The following SCAI variants were observed in gnomAD, a reference collection of about 807,000 sequenced individuals.
SCAI encodes the protein suppressor of cancer cell invasion.
A neutral mutation model predicts 92.2 loss-of-function variants in SCAI; 24 were observed. The observed-to-expected ratio is 0.26, with a 90% CI of 0.19 to 0.37. SCAI has a LOEUF of 0.37. SCAI is among the 10% of genes least tolerant of loss of function. SCAI has a pLI of 1.00. For synonymous variants in SCAI, 261 were observed against 258.6 expected (o/e 1.01, Z -0.09); for missense variants, 450 against 736.2 (o/e 0.61, Z 4.50).
intron 2 of SCAI, among the ~76,000 whole-genome samples, chr9:125,141,122 C>G (rs972300): frequency 0.44 from 67,260 of 151,846 alleles, 15,278 homozygotes; most frequent in East Asian, 0.53. Flanking sequence ...TTTCCAATAG[C>G]TGATCAAGTA....
chr9:125,098,859 A>G (rs758268635), intron 2 of SCAI, among the ~76,000 whole-genome samples: 1 of 152,184 alleles, frequency 6.6e-6, no homozygotes, highest in Non-Finnish European at 1.5e-5. Flanking sequence ...CCGAAGTCAG[A>G]TAATTCCTGG....
chr9:125,122,320 G>A (rs995145768), intron 2 of SCAI, among the ~76,000 whole-genome samples: 1 of 152,086 alleles, frequency 6.6e-6, no homozygotes, highest in East Asian at 1.9e-4. Flanking sequence ...GCCAGGCACG[G>A]TGGCTCATGC....
In SCAI at chr9:124,947,628, A is replaced by G. The variant is rs1254801143; in HGVS notation, c.*5179T>C. 1.3e-5 allele frequency: 2 copies of G among 152,214 alleles called. No homozygotes were observed. The highest frequency in any genetic ancestry group is 2.9e-5 in the Non-Finnish European group (2 of 68,034). The allele number at this position is 152,214 out of a possible 1,614,324, so 9.4% of individuals were successfully genotyped here. A position where few individuals can be genotyped will look rare whatever the true frequency, so the allele number is the denominator to read the frequency against. On this transcript the variant is annotated 3_prime_UTR_variant, in exon 18 of 18. Transcript: ENST00000336505. Reference sequence around the variant, plus strand: ...ATACTGTATCACTGCATACCAATATATTTACAAATATGTATACATATATAC... The same window carrying G: ...ATACTGTATCACTGCATACCAATATGTTTACAAATATGTATACATATATAC...
intron 14 of SCAI, among the ~76,000 whole-genome samples, chr9:124,979,509 T>G (rs1418861172): frequency 1.3e-5 from 2 of 151,836 alleles, no homozygotes; most frequent in African/African-American, 4.8e-5. Flanking sequence ...CACTGTACCC[T>G]AGCCTGGGCA....
chr9:125,029,982 A>G (rs1833039427), intron 3 of SCAI, among the ~76,000 whole-genome samples: 1 of 152,130 alleles, frequency 6.6e-6, no homozygotes, highest in African/African-American at 2.4e-5. Flanking sequence ...TGCTTCTCCC[A>G]TGAGGTTTCT....
At chr9:125,128,820 T>C (rs1835335983) in intron 2 of SCAI, among the ~76,000 whole-genome samples, 1 of 151,942 alleles carries the variant, frequency 6.6e-6, no homozygotes, top group Admixed American at 6.6e-5. Context: ...CCCAGCATTT[T>C]GGGAGTCTGA....
intron 2 of SCAI, among the ~76,000 whole-genome samples, chr9:125,117,370 C>T (rs1193245736): frequency 6.6e-6 from 1 of 152,088 alleles, no homozygotes; most frequent in Non-Finnish European, 1.5e-5. Context: ...ATTACACTAC[C>T]TCAGTTTTAG....
intron 2 of SCAI, among the ~76,000 whole-genome samples, chr9:125,095,446 T>C (rs1259786052): frequency 6.6e-6 from 1 of 152,260 alleles, no homozygotes; most frequent in African/African-American, 2.4e-5. Flanking sequence ...AAACAAAGCA[T>C]ATCCCTATAA....
chr9:125,084,332 G>A (rs1361088074), intron 2 of SCAI, among the ~76,000 whole-genome samples: 3 of 151,626 alleles, frequency 2.0e-5, no homozygotes, highest in African/African-American at 4.8e-5. Context: ...CACCACGCCC[G>A]GCTAACTTTT....
At chr9:125,006,536 G>A (rs561014334) in intron 9 of SCAI, among the ~76,000 whole-genome samples, 2 of 152,314 alleles carry the variant, frequency 1.3e-5, no homozygotes, top group African/African-American at 4.8e-5. Context: ...CTGTCACCCA[G>A]GCTGGAGTGC....
chr9:124,961,302 T>C (rs1831430267), intron 17 of SCAI, among the ~76,000 whole-genome samples: 1 of 151,400 alleles, frequency 6.6e-6, no homozygotes, highest in Non-Finnish European at 1.5e-5. Flanking sequence ...ATTACATATA[T>C]GCATGATGAA....
chr9:124,991,586 C>G (rs1204828822), intron 14 of SCAI, among the ~76,000 whole-genome samples: 1 of 152,022 alleles, frequency 6.6e-6, no homozygotes, highest in African/African-American at 2.4e-5. Context: ...TGCCTGTAAT[C>G]CCAGCACTTC....
intron 17 of SCAI, among the ~76,000 whole-genome samples, chr9:124,966,285 C>G (rs966680847): frequency 2.8e-5 from 4 of 140,734 alleles, no homozygotes; most frequent in African/African-American, 1.0e-4. Flanking sequence ...TGTCCATGTG[C>G]TCTCATTGTT....
chr9:124,978,602 C>G (rs1485769299), intron 14 of SCAI, among the ~76,000 whole-genome samples: 1 of 152,170 alleles, frequency 6.6e-6, no homozygotes, highest in African/African-American at 2.4e-5. Flanking sequence ...CTATTACACT[C>G]AAATGCATAT....
intron 3 of SCAI, 30 bp from the exon 4 acceptor site, chr9:125,029,769 T>C: frequency 7.8e-7 from 1 of 1,287,780 alleles, no homozygotes; most frequent in Non-Finnish European, 1.1e-6. Flanking sequence ...TGTATTAATA[T>C]TAAACTTCTT....
chr9:125,138,078 G>A (rs1367952930), intron 2 of SCAI, among the ~76,000 whole-genome samples: 1 of 152,012 alleles, frequency 6.6e-6, no homozygotes, highest in African/African-American at 2.4e-5. Context: ...GGCTTTATCT[G>A]CTTCTTTCAT....
chr9:124,985,387 T>C (rs927316057), intron 14 of SCAI, among the ~76,000 whole-genome samples: 15 of 152,208 alleles, frequency 9.9e-5, no homozygotes, highest in African/African-American at 3.4e-4. Flanking sequence ...GTAGTGCCTC[T>C]GGGTGTCTGG....
At position 125,067,811 on chromosome 9, in the gene SCAI, AT is replaced by A. The variant is rs200720235; in HGVS notation, c.99-11805del. 3.6e-3 allele frequency among the ~76,000 whole-genome samples: 550 copies of A among 152,352 alleles called. 8 individuals carry two copies. The highest frequency in any genetic ancestry group is 0.034 in the Admixed American group (521 of 15,306). The stretch of plus-strand genomic sequence containing the variant: ...ATAGAGTCCTTACACAGATTACAAA[AT>A]GGGCAAACAAGCAAAACAACAACGA... On this transcript the variant is annotated intron_variant, in intron 2 of 17. Transcript: ENST00000336505.
intron 9 of SCAI, among the ~76,000 whole-genome samples, chr9:125,004,768 TATATATA>T (rs1564374730): frequency 8.8e-3 from 87 of 9,858 alleles, no homozygotes; most frequent in Non-Finnish European, 0.011. Context: ...TATATATATA[TATATATA>T]TATATTTTTT....
Sources: gnomAD v4.1 joint callset for allele counts (sites outside exome capture counted in the v4.1 genomes callset) on GRCh38, gnomAD v4.1.1 for gene constraint, MANE v1.5 for transcripts, NCBI Gene and HGNC (gene_info 2026-07-23, HGNC 2026-07-21) for gene names.